Variants in WWOX observed in about 807,000 individuals in gnomAD.
WWOX encodes the protein WW domain containing oxidoreductase, also known as WW domain-containing oxidoreductase.
WWOX carries 69 observed loss-of-function variants against 46.2 expected under a neutral mutation model. The observed-to-expected ratio is 1.49, with a 90% CI of 1.23 to 1.82. WWOX has a LOEUF of 1.82. Ranked by LOEUF, WWOX falls within the 40% of genes most tolerant of loss-of-function variation. WWOX has a pLI of 0.00. For missense variants in WWOX, 919 were observed against 542.6 expected, an observed-to-expected ratio of 1.69 and a Z score of -6.89; for synonymous variants, 359 against 202.6, an observed-to-expected ratio of 1.77 and a Z score of -6.56.
chr16:78,907,377 C>G (rs1187445091), intron 8 of WWOX, among the ~76,000 whole-genome samples: 1 of 152,224 alleles, frequency 6.6e-6, no homozygotes, highest in Admixed American at 6.5e-5. Flanking sequence ...AATTGCAAAT[C>G]TTGTAACCTC....
intron 5 of WWOX, among the ~76,000 whole-genome samples, chr16:78,370,990 T>TTTTG (rs2081668297): frequency 6.6e-6 from 1 of 151,124 alleles, no homozygotes; most frequent in Non-Finnish European, 1.5e-5. Context: ...CTTTTTTTTT[T>TTTTG]TTTTTTACTT....
At chr16:79,189,971 G>C (rs2051100900) in intron 8 of WWOX, among the ~76,000 whole-genome samples, 1 of 151,976 alleles carries the variant, frequency 6.6e-6, no homozygotes, top group Non-Finnish European at 1.5e-5. Context: ...GGAAGCATTT[G>C]ATTGCTCCAT....
chr16:78,782,602 C>T (rs1189196836), intron 8 of WWOX, among the ~76,000 whole-genome samples: 2 of 152,070 alleles, frequency 1.3e-5, no homozygotes, highest in African/African-American at 4.8e-5. Flanking sequence ...TCTTTATTCT[C>T]CTCCCAAATG....
chr16:78,858,358 ATG>A (rs1428016804), intron 8 of WWOX, among the ~76,000 whole-genome samples: 141 of 151,892 alleles, frequency 9.3e-4, no homozygotes, highest in South Asian at 8.7e-3. Context: ...ATGTATATAT[ATG>A]TGTGTGTATG....
chr16:79,041,371 G>T (rs1279363565), intron 8 of WWOX, among the ~76,000 whole-genome samples: 1 of 152,102 alleles, frequency 6.6e-6, no homozygotes, highest in Non-Finnish European at 1.5e-5. Flanking sequence ...TTGCTGGAAT[G>T]CCCATTCCCT....
At chr16:79,040,395 C>T (rs1156820492) in intron 8 of WWOX, among the ~76,000 whole-genome samples, 1 of 151,854 alleles carries the variant, frequency 6.6e-6, no homozygotes, top group African/African-American at 2.4e-5. Flanking sequence ...CTGCCTCAGC[C>T]TCATGAGCAG....
chr16:78,879,835 T>C (rs2044306958), intron 8 of WWOX, among the ~76,000 whole-genome samples: 1 of 151,150 alleles, frequency 6.6e-6, no homozygotes, highest in Non-Finnish European at 1.5e-5. Flanking sequence ...TGAGATCATG[T>C]CATTGTACTC....
intron 8 of WWOX, among the ~76,000 whole-genome samples, chr16:78,851,938 C>A (rs1027593509): frequency 6.6e-6 from 1 of 152,164 alleles, no homozygotes; most frequent in African/African-American, 2.4e-5. Context: ...ATTGCTAAAG[C>A]CTCTTGGTTT....
In WWOX at chr16:78,337,681, C is replaced by G. The variant is rs901147717; in HGVS notation, c.517-49179C>G. On this transcript the variant is annotated intron_variant, in intron 5 of 8. Transcript: ENST00000566780. Reference sequence around the variant, plus strand: ...GTACTATCTGGCCATGTCCTCATTTCCCCAGCAAAGTCCTTCTGAGAATTT... The same window carrying G: ...GTACTATCTGGCCATGTCCTCATTTGCCCAGCAAAGTCCTTCTGAGAATTT... 3.9e-5 allele frequency among the ~76,000 whole-genome samples: 6 copies of G among 152,086 alleles called. 1 individual carries two copies. Among genetic ancestry groups the G allele is most frequent in the Non-Finnish European group, 8.8e-5 (6 of 68,026 alleles).
chr16:78,548,332 TG>T (rs1418746717), intron 8 of WWOX, among the ~76,000 whole-genome samples: 8 of 107,128 alleles, frequency 7.5e-5, no homozygotes, highest in Non-Finnish European at 1.6e-4. Context: ...TATTAATTTT[TG>T]TTCCTAAAGA....
At chr16:78,915,254 G>C (rs1442498850) in intron 8 of WWOX, among the ~76,000 whole-genome samples, 1 of 152,126 alleles carries the variant, frequency 6.6e-6, no homozygotes, top group Non-Finnish European at 1.5e-5. Flanking sequence ...CCCTTTACAT[G>C]ACCATTCCAG....
At chr16:79,058,608 AG>A (rs2048307686) in intron 8 of WWOX, among the ~76,000 whole-genome samples, 1 of 152,186 alleles carries the variant, frequency 6.6e-6, no homozygotes, top group African/African-American at 2.4e-5. Context: ...ACCTTTATGA[AG>A]CTGGCCTAAT....
At chr16:78,659,390 T>C (rs948497603) in intron 8 of WWOX, among the ~76,000 whole-genome samples, 2 of 152,052 alleles carry the variant, frequency 1.3e-5, no homozygotes, top group Non-Finnish European at 2.9e-5. Context: ...TCTGGGAACT[T>C]GTTAGATGTG....
chr16:78,883,588 G>A (rs1017835882), intron 8 of WWOX, among the ~76,000 whole-genome samples: 16 of 152,036 alleles, frequency 1.1e-4, no homozygotes, highest in African/African-American at 3.6e-4. Context: ...CCTGAGTGTG[G>A]TGGTGCCCAC....
At chr16:78,549,486 A>T (rs1341473460) in intron 8 of WWOX, among the ~76,000 whole-genome samples, 1 of 152,148 alleles carries the variant, frequency 6.6e-6, no homozygotes, top group Non-Finnish European at 1.5e-5. Flanking sequence ...GTTCAGAGAA[A>T]GTTGGATCGA....
At chr16:79,131,353 AAG>A (rs1433767130) in intron 8 of WWOX, among the ~76,000 whole-genome samples, 1 of 152,152 alleles carries the variant, frequency 6.6e-6, no homozygotes, top group African/African-American at 2.4e-5. Flanking sequence ...TGAGGACACA[AAG>A]AGAGCCTGAA....
intron 8 of WWOX, among the ~76,000 whole-genome samples, chr16:78,766,272 A>G (rs935810651): frequency 5.9e-5 from 9 of 152,202 alleles, no homozygotes; most frequent in Non-Finnish European, 8.8e-5. Context: ...GCTCTTCGTC[A>G]TCTCTCCTGT....
chr16:78,121,682 G>A (rs1325796507), intron 4 of WWOX, among the ~76,000 whole-genome samples: 1 of 149,338 alleles, frequency 6.7e-6, no homozygotes, highest in African/African-American at 2.5e-5. Context: ...TTTTTTTTGA[G>A]TCAGAGTATT....
At chr16:78,524,750 G>C (rs771152580) in intron 8 of WWOX, among the ~76,000 whole-genome samples, 1 of 149,070 alleles carries the variant, frequency 6.7e-6, no homozygotes, top group African/African-American at 2.5e-5. Context: ...CAAAGTATTA[G>C]CATTGTGATA....
Sources: gnomAD v4.1 joint callset for allele counts (sites outside exome capture counted in the v4.1 genomes callset) on GRCh38, gnomAD v4.1.1 for gene constraint, MANE v1.5 for transcripts, NCBI Gene and HGNC (gene_info 2026-07-23, HGNC 2026-07-21) for gene names.